The following TMEM232 variants were observed in gnomAD, a reference collection of about 807,000 sequenced individuals.
The protein encoded by TMEM232 is transmembrane protein 232.
Under a neutral mutation model 78.8 loss-of-function variants are expected in TMEM232, and 80 were observed. The observed-to-expected ratio is 1.01, with a 90% CI of 0.85 to 1.22. The LOEUF is 1.22. TMEM232 is among the 50% of genes most tolerant of loss of function. The probability of loss-of-function intolerance (pLI) is 0.00; values close to 1 mark genes in which losing one functional copy is unlikely to be tolerated. For missense variants in TMEM232, 881 were observed against 742.2 expected (o/e 1.19, Z -2.17); for synonymous variants, 297 against 254.3 (o/e 1.17, Z -1.60).
In TMEM232 at chr5:110,600,212, G is replaced by T. The variant is rs144864166; in HGVS notation, c.1276+4897C>A. On this transcript the variant is annotated intron_variant, in intron 10 of 13. Coordinates refer to ENST00000455884, the MANE Select transcript of TMEM232 (RefSeq NM_001039763.4). ...CTAAATGCCCACATCAGAAAGCGGGGAAGATCTAAAATCAACACCCTAACA... is the reference window on the plus strand; with the variant it reads ...CTAAATGCCCACATCAGAAAGCGGGTAAGATCTAAAATCAACACCCTAACA... Among the ~76,000 whole-genome samples the T allele has an allele frequency of 1.6e-3, 242 of 152,054 alleles. 1 individual carries two copies. Among genetic ancestry groups the T allele is most frequent in the Admixed American group, 3.5e-3 (53 of 15,250 alleles).
rs182042338 is a variant in TMEM232 at position 110,391,445 on chromosome 5, T to C, written n.391-805A>G. Among the ~76,000 whole-genome samples the C allele has an allele frequency of 5.3e-4, 81 of 152,116 alleles. 1 individual carries two copies. Among genetic ancestry groups the C allele is most frequent in the Admixed American group, 4.5e-3 (68 of 15,244 alleles). On this transcript the variant is annotated intron_variant and non_coding_transcript_variant, in intron 3 of 8. Transcript: ENST00000507188. ...GAGCCGATGTGTCAAGAACTGAGGA[T>C]AAAATGAGCAAAAATGAGTGATTTT...
At chr5:110,724,028 T>A (rs935012916) in intron 1 of TMEM232, among the ~76,000 whole-genome samples, 9 of 152,174 alleles carry the variant, frequency 5.9e-5, no homozygotes, top group African/African-American at 2.2e-4. Context: ...AGTCAAGTTG[T>A]TGGAGACGAG....
At chr5:110,704,264 T>C (rs1795709496) in intron 1 of TMEM232, among the ~76,000 whole-genome samples, 2 of 152,202 alleles carry the variant, frequency 1.3e-5, no homozygotes, top group East Asian at 1.9e-4. Flanking sequence ...TGACATACCA[T>C]ACCTGTGCAG....
In TMEM232 at chr5:110,568,439, T is replaced by C. The variant is rs1776576271; in HGVS notation, c.1455+8A>G. ...TGTACATATTTATTGCCCAGTGTTTTACCTTACCTGAGCTATATTGATTGC... is the reference window on the plus strand; with the variant it reads ...TGTACATATTTATTGCCCAGTGTTTCACCTTACCTGAGCTATATTGATTGC... On this transcript the variant is annotated splice_region_variant and intron_variant, in intron 11 of 13. Transcript: ENST00000455884. 2 of 1,528,592 alleles carry C rather than the reference T, an allele frequency of 1.3e-6. No individual in the cohort carries two copies. The highest frequency in any genetic ancestry group is 2.8e-5 in the African/African-American group (2 of 71,382). 94.7% of individuals were successfully genotyped at this position (1,528,592 alleles called of 1,614,324 possible).
intron 2 of TMEM232, among the ~76,000 whole-genome samples, chr5:110,665,067 G>A (rs887307406): frequency 6.6e-6 from 1 of 152,082 alleles, no homozygotes; most frequent in Non-Finnish European, 1.5e-5. Context: ...ATTTTGCAGG[G>A]ACACTCACAT....
At chr5:110,391,118 T>G (rs1315253315) in intron 3 of TMEM232, among the ~76,000 whole-genome samples, 1 of 152,174 alleles carries the variant, frequency 6.6e-6, no homozygotes, top group East Asian at 1.9e-4. Flanking sequence ...TCCCTCTGTT[T>G]GGCAATAAAC....
chr5:110,471,079 G>A (rs917410938), intron 12 of TMEM232, among the ~76,000 whole-genome samples: 19 of 152,088 alleles, frequency 1.2e-4, no homozygotes, highest in African/African-American at 4.6e-4. Context: ...TATTGGAGTT[G>A]AAGAATTCAA....
At chr5:110,642,217 A>G (rs1786832011) in intron 3 of TMEM232, 43 bp downstream of exon 3, 1 of 1,248,470 alleles carries the variant, frequency 8.0e-7, no homozygotes, top group Non-Finnish European at 1.1e-6. Flanking sequence ...TACCAACTAG[A>G]AAGGAAGTTA....
chr5:110,499,673 TA>T (rs1298268580), intron 12 of TMEM232, among the ~76,000 whole-genome samples: 1 of 145,514 alleles, frequency 6.9e-6, no homozygotes, highest in African/African-American at 2.7e-5. Flanking sequence ...AGATAAGCAT[TA>T]AAAATTAGTA....
At chr5:110,509,161 T>C (rs1208639325) in intron 12 of TMEM232, among the ~76,000 whole-genome samples, 2 of 151,352 alleles carry the variant, frequency 1.3e-5, no homozygotes, top group African/African-American at 4.9e-5. Context: ...CTGGTCATGG[T>C]AGTTCATGCC....
chr5:110,660,504 A>C (rs1449779015), intron 2 of TMEM232, among the ~76,000 whole-genome samples: 1 of 152,142 alleles, frequency 6.6e-6, no homozygotes, highest in Non-Finnish European at 1.5e-5. Flanking sequence ...AGAGTTAAAA[A>C]GCAATGAAAA....
In TMEM232 at chr5:110,447,862, G is replaced by C. The variant is rs138823827; in HGVS notation, c.1704-22946C>G. On this transcript the variant is annotated intron_variant, in intron 12 of 13. Coordinates refer to ENST00000455884, the MANE Select transcript of TMEM232 (RefSeq NM_001039763.4). ...TCAAGATAATCTCCAAAGCTCAGAG[G>C]AAATTGTAAAGTGAAAACGAAGAGA... Among the ~76,000 whole-genome samples the C allele has an allele frequency of 3.5e-4, 53 of 152,022 alleles. No homozygotes were observed. In the East Asian group the frequency reaches 9.9e-3, roughly 28 times the overall value.
Position 110,721,667 on chromosome 5 carries a change from G to GTATATATATATATATATATATA in TMEM232, c.-13+4959_-13+4960insTATATATATATATATATATATA, listed in dbSNP as rs1277641654. Among the ~76,000 whole-genome samples the GTATATATATATATATATATATA allele has an allele frequency of 6.7e-3, 70 of 10,438 alleles. 5 individuals carry two copies. The highest frequency in any genetic ancestry group is 0.01 in the African/African-American group (63 of 6,110). The allele number at this position is 10,438 out of a possible 152,430, so 6.8% of individuals were successfully genotyped here. On this transcript the variant is annotated intron_variant, in intron 1 of 13. Transcript: ENST00000455884. ...GAGTCTGCATATCATGTGTGTGTGTGTGTGTGTATATATATATCTGTGTGT... is the reference window on the plus strand; with the variant it reads ...GAGTCTGCATATCATGTGTGTGTGTGTATATATATATATATATATATATGTGTGTATATATATATCTGTGTGT...
chr5:110,677,469 T>C (rs1792169882), intron 1 of TMEM232, among the ~76,000 whole-genome samples: 1 of 152,204 alleles, frequency 6.6e-6, no homozygotes, highest in Non-Finnish European at 1.5e-5. Context: ...TTTGTTTCGG[T>C]AGCAATAGAA....
intron 1 of TMEM232, among the ~76,000 whole-genome samples, chr5:110,683,383 C>A (rs549339838): frequency 1.3e-5 from 2 of 151,404 alleles, no homozygotes; most frequent in Non-Finnish European, 2.9e-5. Context: ...CAAAGAGATA[C>A]ACACACACAC....
intron 2 of TMEM232, among the ~76,000 whole-genome samples, chr5:110,657,403 G>GTGTGTA (rs1789235371): frequency 6.6e-6 from 1 of 151,704 alleles, no homozygotes; most frequent in Non-Finnish European, 1.5e-5. Context: ...GTGTGTGTGT[G>GTGTGTA]TGTGTAGTAG....
At chr5:110,569,112 GTTATAA>G (rs1246679341) in intron 10 of TMEM232, among the ~76,000 whole-genome samples, 9 of 151,694 alleles carry the variant, frequency 5.9e-5, no homozygotes, top group South Asian at 2.1e-4. Flanking sequence ...AAAAACTACT[GTTATAA>G]TTATAAGGTG....
rs920020291 is a variant in TMEM232, at chr5:110,504,150, T to A, written c.1703+24438A>T. On this transcript the variant is annotated intron_variant, in intron 12 of 13. Coordinates refer to ENST00000455884, the MANE Select transcript of TMEM232 (RefSeq NM_001039763.4). ...ATAATCACTTTAGACAGTATACTTT[T>A]AATTAATTACTGCAGATTTTTTACT... Among the ~76,000 whole-genome samples, 4 of 152,266 alleles carry A rather than the reference T, an allele frequency of 2.6e-5. No individual in the cohort carries two copies. The South Asian group carries it at 8.3e-4, about 32-fold the overall frequency.
intron 12 of TMEM232, among the ~76,000 whole-genome samples, chr5:110,445,207 T>C (rs986706784): frequency 2.6e-5 from 4 of 152,062 alleles, no homozygotes. Flanking sequence ...CCCTGTCTAT[T>C]ATGTTGGAGT....
Sources: allele counts gnomAD v4.1 joint callset (sites outside exome capture counted in the v4.1 genomes callset), GRCh38; gene constraint gnomAD v4.1.1; transcripts MANE v1.5; gene names NCBI Gene and HGNC (gene_info 2026-07-23, HGNC 2026-07-21).